TAF12: variants seen among roughly 807,000 people sequenced by gnomAD.
The protein encoded by TAF12 is TATA-box binding protein associated factor 12.
TAF12 carries 3 observed loss-of-function variants against 20.8 expected under a neutral mutation model. That is an observed-to-expected ratio of 0.14 (90% CI 0.07 to 0.37). TAF12 has a LOEUF of 0.37. Ranked by LOEUF, TAF12 falls within the 10% of genes least tolerant of loss-of-function variation. The pLI is 1.00. For synonymous variants in TAF12, 69 were observed against 70.2 expected, an observed-to-expected ratio of 0.98 and a Z score of 0.09; for missense variants, 131 against 197.9, an observed-to-expected ratio of 0.66 and a Z score of 2.03.
intron 1 of TAF12, chr1:28,642,742 A>AC: frequency 3.0e-6 from 3 of 984,510 alleles, no homozygotes; most frequent in Non-Finnish European, 3.6e-6. Flanking sequence ...CTCCTCTCAG[A>AC]CCACTTTCCC....
chr1:28,603,841 A>C (rs1446173813), intron 5 of TAF12, among the ~76,000 whole-genome samples: 1 of 152,182 alleles, frequency 6.6e-6, no homozygotes, highest in Admixed American at 6.5e-5. Context: ...AAAGCAGGAG[A>C]AAGTGACAGC....
intron 1 of TAF12, among the ~76,000 whole-genome samples, chr1:28,640,418 CACTT>C (rs1667992888): frequency 1.3e-5 from 2 of 152,168 alleles, no homozygotes; most frequent in South Asian, 4.1e-4. Context: ...GAGAGGAATC[CACTT>C]AGAAGAGTAG....
intron 1 of TAF12, among the ~76,000 whole-genome samples, chr1:28,633,950 G>T (rs1471791426): frequency 6.6e-6 from 1 of 151,658 alleles, no homozygotes; most frequent in Non-Finnish European, 1.5e-5. Context: ...AGGTGTGGTG[G>T]CGCGTGCCTG....
chr1:28,636,685 C>T (rs756506954), intron 1 of TAF12, among the ~76,000 whole-genome samples: 1 of 151,656 alleles, frequency 6.6e-6, no homozygotes, highest in Non-Finnish European at 1.5e-5. Context: ...GCTGTGGTCC[C>T]AGCTACTTGG....
chr1:28,643,650 A>G (rs1228234758), upstream of TAF12: 2 of 152,206 alleles, frequency 1.3e-5, no homozygotes, highest in South Asian at 2.1e-4. Flanking sequence ...AGATTAAGCA[A>G]AGTTCTAGCT....
intron 1 of TAF12, among the ~76,000 whole-genome samples, chr1:28,642,310 G>GA (rs1435565477): frequency 6.6e-6 from 1 of 152,098 alleles, no homozygotes; most frequent in Admixed American, 6.6e-5. Flanking sequence ...GGAATACTGT[G>GA]AAAAAATGGA....
chr1:28,606,238 C>G (rs1052290004), intron 4 of TAF12, among the ~76,000 whole-genome samples: 2 of 151,988 alleles, frequency 1.3e-5, no homozygotes, highest in Admixed American at 1.3e-4. Context: ...ACCTCGTGAT[C>G]CACCCACCTC....
chr1:28,629,465 C>G (rs1667545636), intron 1 of TAF12, among the ~76,000 whole-genome samples: 1 of 152,052 alleles, frequency 6.6e-6, no homozygotes, highest in Admixed American at 6.6e-5. Flanking sequence ...GCCTGAGCAT[C>G]TGGGATTACA....
At chr1:28,607,090 G>A (rs865803562) in intron 4 of TAF12, among the ~76,000 whole-genome samples, 1 of 152,220 alleles carries the variant, frequency 6.6e-6, no homozygotes, top group South Asian at 2.1e-4. Flanking sequence ...ACAGTAACTG[G>A]CATAGGGGCA....
At chr1:28,633,683 G>C (rs1433588023) in intron 1 of TAF12, among the ~76,000 whole-genome samples, 1 of 151,464 alleles carries the variant, frequency 6.6e-6, no homozygotes, top group East Asian at 2.0e-4. Context: ...AGGCCGAGGT[G>C]GGCAGATCAT....
intron 1 of TAF12, among the ~76,000 whole-genome samples, chr1:28,640,293 T>C (rs4252964): frequency 0.016 from 2,448 of 152,338 alleles, 26 homozygotes; most frequent in Middle Eastern, 0.031. Flanking sequence ...AATACATAAG[T>C]ACCCTAATAT....
At chr1:28,644,372 G>C (rs1668132310), upstream of TAF12, among the ~76,000 whole-genome samples, 1 of 152,202 alleles carries the variant, frequency 6.6e-6, no homozygotes, top group African/African-American at 2.4e-5. Context: ...TGGGCTCTAA[G>C]CTGTATTCCT....
chr1:28,610,684 G>A (rs992809838), intron 4 of TAF12, among the ~76,000 whole-genome samples: 41 of 151,960 alleles, frequency 2.7e-4, no homozygotes, highest in Non-Finnish European at 4.3e-4. Flanking sequence ...GGAGTCAGCC[G>A]GGCATGGTGG....
In TAF12 at chr1:28,635,985, C is replaced by T. The variant is rs995474192; in HGVS notation, c.-85+7007G>A. Reference sequence around the variant, plus strand: ...GGCATAAAAGCCCTATACTGTGGTGCATGACTTCACTTAATGACTGGTTTT... The same window carrying T: ...GGCATAAAAGCCCTATACTGTGGTGTATGACTTCACTTAATGACTGGTTTT... On this transcript the variant is annotated intron_variant, in intron 1 of 5. Coordinates refer to ENST00000373824, the MANE Select transcript of TAF12 (RefSeq NM_005644.4). Among the ~76,000 whole-genome samples the T allele has an allele frequency of 2.0e-5, 3 of 152,266 alleles. No individual in the cohort carries two copies. In the South Asian group the frequency reaches 6.2e-4, roughly 32 times the overall value.
chr1:28,646,986 C>A (rs1317799874), upstream of TAF12, among the ~76,000 whole-genome samples: 1 of 152,136 alleles, frequency 6.6e-6, no homozygotes. Context: ...GCGTGAGCCA[C>A]CGCACCCGGC....
intron 4 of TAF12, among the ~76,000 whole-genome samples, chr1:28,611,394 T>G (rs1391128743): frequency 1.3e-5 from 2 of 152,106 alleles, no homozygotes; most frequent in Admixed American, 6.6e-5. Context: ...AAAAAAGATA[T>G]GTTGCGGTCT....
At chr1:28,636,905 C>T (rs1667846975) in intron 1 of TAF12, among the ~76,000 whole-genome samples, 2 of 152,080 alleles carry the variant, frequency 1.3e-5, no homozygotes, top group African/African-American at 4.8e-5. Context: ...CCTAGGAGTG[C>T]GAGGCTGTAG....
upstream of TAF12, among the ~76,000 whole-genome samples, chr1:28,647,480 G>T (rs1000425411): frequency 1.4e-4 from 21 of 151,936 alleles, no homozygotes; most frequent in African/African-American, 4.4e-4. Flanking sequence ...TAGGGACGAG[G>T]TCTCTATATG....
chr1:28,627,665 CA>C lies in TAF12; in HGVS notation c.-84-5501del, dbSNP rs61016146. Among the ~76,000 whole-genome samples, 741 of 103,416 alleles carry C rather than the reference CA, an allele frequency of 7.2e-3. 1 individual carries two copies. The highest frequency in any genetic ancestry group is 0.03 in the African/African-American group (692 of 23,314). 67.8% of individuals were successfully genotyped at this position (103,416 alleles called of 152,430 possible). A position where few individuals can be genotyped will look rare whatever the true frequency, so the allele number is the denominator to read the frequency against. ...CCGAGATCGCGCCACTGCACTCCCT[CA>C]AAAAAAAAAAAAAAAAAAAAACTAA... is the stretch of plus-strand genomic sequence containing the variant. On this transcript the variant is annotated intron_variant, in intron 1 of 5. Transcript: ENST00000373824.
Sources: gnomAD v4.1 joint callset for allele counts (sites outside exome capture counted in the v4.1 genomes callset) on GRCh38, gnomAD v4.1.1 for gene constraint, MANE v1.5 for transcripts, NCBI Gene and HGNC (gene_info 2026-07-23, HGNC 2026-07-21) for gene names.